Variants in PPARGC1A observed in about 807,000 individuals in gnomAD.
The protein encoded by PPARGC1A is peroxisome proliferator-activated receptor gamma coactivator 1-alpha.
PPARGC1A carries 25 observed loss-of-function variants against 88.7 expected under a neutral mutation model. The observed-to-expected ratio is 0.28, with a 90% CI of 0.21 to 0.39. The LOEUF is 0.39. PPARGC1A is among the 10% of genes least tolerant of loss of function. The pLI is 1.00. For synonymous variants in PPARGC1A, 363 were observed against 355.6 expected (o/e 1.02, Z -0.24); for missense variants, 880 against 968.7 (o/e 0.91, Z 1.22).
chr4:23,976,637 A>G, the PPARGC1A span, among the ~76,000 whole-genome samples: 23 of 152,198 alleles, frequency 1.5e-4, no homozygotes, highest in African/African-American at 5.5e-4. Context: ...ATGAGGGCAT[A>G]AGGGTAAAGT....
At chr4:24,001,736 G>A in the PPARGC1A span, among the ~76,000 whole-genome samples, 1 of 152,032 alleles carries the variant, frequency 6.6e-6, no homozygotes. Flanking sequence ...TCCTTCAGGA[G>A]CTTTAACTGC....
the PPARGC1A span, among the ~76,000 whole-genome samples, chr4:24,178,378 G>A: frequency 6.6e-6 from 1 of 152,126 alleles, no homozygotes; most frequent in African/African-American, 2.4e-5. Flanking sequence ...ATGGCGATTG[G>A]TATTTTTTAT....
At chr4:24,126,558 AG>A in the PPARGC1A span, among the ~76,000 whole-genome samples, 1 of 152,168 alleles carries the variant, frequency 6.6e-6, no homozygotes, top group Admixed American at 6.5e-5. Context: ...AGAGGGAGGC[AG>A]GAACTAGGTG....
chr4:23,947,394 TATAAAAAA>T, the PPARGC1A span, among the ~76,000 whole-genome samples: 1 of 11,484 alleles, frequency 8.7e-5, no homozygotes, highest in Non-Finnish European at 2.5e-4. Context: ...TATATATATA[TATAAAAAA>T]AACGGTGATG....
At chr4:24,074,619 C>T in the PPARGC1A span, among the ~76,000 whole-genome samples, 1 of 152,048 alleles carries the variant, frequency 6.6e-6, no homozygotes, top group Admixed American at 6.6e-5. Context: ...TCTTCCTTTC[C>T]CCAGTCTTTC....
At chr4:24,186,369 G>A in the PPARGC1A span, among the ~76,000 whole-genome samples, 1 of 152,116 alleles carries the variant, frequency 6.6e-6, no homozygotes, top group South Asian at 2.1e-4. Context: ...CTACAGCTGT[G>A]CCTCCCATGA....
the PPARGC1A span, among the ~76,000 whole-genome samples, chr4:23,974,853 C>G: frequency 1.0e-5 from 1 of 98,414 alleles, no homozygotes; most frequent in Non-Finnish European, 1.9e-5. Flanking sequence ...GAGGGGGTTT[C>G]ACAGTGTTTG....
At chr4:24,393,473 C>A in the PPARGC1A span, among the ~76,000 whole-genome samples, 1 of 152,182 alleles carries the variant, frequency 6.6e-6, no homozygotes, top group Non-Finnish European at 1.5e-5. Context: ...CGCACCCTTG[C>A]ACACTGCATG....
the PPARGC1A span, among the ~76,000 whole-genome samples, chr4:24,292,137 C>T: frequency 2.0e-5 from 3 of 152,090 alleles, no homozygotes; most frequent in Non-Finnish European, 4.4e-5. Flanking sequence ...GACTCGCCTC[C>T]GCCACGGAGG....
chr4:24,362,319 G>A, the PPARGC1A span, among the ~76,000 whole-genome samples: 3 of 152,058 alleles, frequency 2.0e-5, no homozygotes, highest in South Asian at 6.2e-4. Context: ...CTGAAAGCAG[G>A]CAATCAAATA....
At chr4:24,126,267 CCA>C in the PPARGC1A span, among the ~76,000 whole-genome samples, 35,035 of 146,110 alleles carry the variant, frequency 0.24, 4,287 homozygotes, top group Middle Eastern at 0.39. Flanking sequence ...TGGCTTCTCA[CCA>C]CACACACACA....
chr4:24,107,365 T>G, the PPARGC1A span, among the ~76,000 whole-genome samples: 1 of 152,224 alleles, frequency 6.6e-6, no homozygotes, highest in Non-Finnish European at 1.5e-5. Flanking sequence ...AATAACACAT[T>G]GATCCCTGAT....
chr4:24,180,961 C>A, the PPARGC1A span, among the ~76,000 whole-genome samples: 1 of 152,166 alleles, frequency 6.6e-6, no homozygotes, highest in African/African-American at 2.4e-5. Flanking sequence ...AAAACATGAT[C>A]CCTCTGGGAC....
At chr4:24,034,452 T>G in the PPARGC1A span, among the ~76,000 whole-genome samples, 1 of 152,348 alleles carries the variant, frequency 6.6e-6, no homozygotes, top group South Asian at 2.1e-4. Flanking sequence ...ACTGTTAAAC[T>G]TTTCGATGTG....
At chr4:24,155,135 T>C in the PPARGC1A span, among the ~76,000 whole-genome samples, 17,209 of 151,296 alleles carry the variant, frequency 0.11, 1,176 homozygotes, top group African/African-American at 0.18. Context: ...TTTTTTTTTT[T>C]ATCTATAGGT....
At chr4:24,141,506 C>G in the PPARGC1A span, among the ~76,000 whole-genome samples, 9 of 152,186 alleles carry the variant, frequency 5.9e-5, no homozygotes, top group African/African-American at 2.2e-4. Context: ...GTAGGGACTA[C>G]AAACAAAGTG....
At chr4:23,831,526 A>T in intron 3 of PPARGC1A, 31 bp downstream of exon 3, 4 of 1,587,414 alleles carry the variant, frequency 2.5e-6, no homozygotes, top group Non-Finnish European at 3.5e-6. Context: ...GGCAACTCCA[A>T]TTCCTGCTAA....
At chr4:23,802,760 A>G (rs1306035697) in intron 10 of PPARGC1A, among the ~76,000 whole-genome samples, 1 of 151,850 alleles carries the variant, frequency 6.6e-6, no homozygotes, top group Non-Finnish European at 1.5e-5. Context: ...CCCACTGAGC[A>G]TGGCAATTAG....
chr4:24,375,012 C>G, the PPARGC1A span, among the ~76,000 whole-genome samples: 1 of 91,522 alleles, frequency 1.1e-5, no homozygotes, highest in Non-Finnish European at 2.3e-5. Context: ...ACCCCCCACC[C>G]TAAAAAAAAA....
Sources: gnomAD v4.1 joint callset for allele counts (sites outside exome capture counted in the v4.1 genomes callset) on GRCh38, gnomAD v4.1.1 for gene constraint, MANE v1.5 for transcripts, NCBI Gene and HGNC (gene_info 2026-07-23, HGNC 2026-07-21) for gene names.